The following SLC17A5 variants were observed in gnomAD, a reference collection of about 807,000 sequenced individuals.
SLC17A5 encodes the protein sialin.
SLC17A5 carries 47 observed loss-of-function variants against 59.4 expected under a neutral mutation model. That is an observed-to-expected ratio of 0.79 (90% CI 0.63 to 1.01). The LOEUF is 1.01. Ranked by LOEUF, SLC17A5 falls within the 50% of genes least tolerant of loss-of-function variation. The pLI is 0.00. For missense variants in SLC17A5, 522 were observed against 595.5 expected (o/e 0.88, Z 1.28); for synonymous variants, 202 against 210.7 (o/e 0.96, Z 0.36).
In SLC17A5 at chr6:73,635,384, GATTTCTTAATGATGA is replaced by G. The variant is rs386833994; in HGVS notation, c.802_816del (p.Ser268_Asn272del). The G allele has an allele frequency of 9.5e-5, 144 of 1,516,276 alleles. No homozygotes were observed. The highest frequency in any genetic ancestry group is 1.3e-4 in the Non-Finnish European group (138 of 1,093,784). 93.9% of individuals were successfully genotyped at this position (1,516,276 alleles called of 1,614,324 possible). The stretch of plus-strand genomic sequence containing the variant: ...TTAAAATGTGTCAAAGTCCATACCT[GATTTCTTAATGATGA>G]AAGAATGTATTCCTTTTCATAATGG... On this transcript the variant is annotated inframe_deletion, in exon 6 of 11. Coordinates refer to ENST00000355773, the MANE Select transcript of SLC17A5 (RefSeq NM_012434.5).
chr6:73,639,879 C>T (rs151131694), intron 3 of SLC17A5, among the ~76,000 whole-genome samples: 1 of 152,200 alleles, frequency 6.6e-6, no homozygotes, highest in African/African-American at 2.4e-5. Flanking sequence ...AACCCCGCCT[C>T]TACTAAATAT....
chr6:73,607,420 C>G (rs1354101450), intron 9 of SLC17A5, among the ~76,000 whole-genome samples: 2 of 152,056 alleles, frequency 1.3e-5, no homozygotes, highest in Middle Eastern at 3.2e-3. Context: ...GGTCCTACCA[C>G]CCCACCTGGC....
At chr6:73,597,995 A>G (rs1318921873) in intron 10 of SLC17A5, among the ~76,000 whole-genome samples, 1 of 152,230 alleles carries the variant, frequency 6.6e-6, no homozygotes, top group Admixed American at 6.5e-5. Flanking sequence ...TACTCATCTT[A>G]AATTCTGCTG....
At chr6:73,612,879 A>G (rs1767691989) in intron 8 of SLC17A5, among the ~76,000 whole-genome samples, 1 of 152,120 alleles carries the variant, frequency 6.6e-6, no homozygotes, top group Non-Finnish European at 1.5e-5. Flanking sequence ...TGGTAAAACC[A>G]TGTCTCTACA....
chr6:73,641,849 G>C lies in SLC17A5; in HGVS notation c.367C>G (p.Gln123Glu). The C allele has an allele frequency of 6.2e-7, 1 of 1,614,146 alleles. No homozygotes were observed. Among genetic ancestry groups the C allele is most frequent in the African/African-American group, 1.3e-5 (1 of 75,028 alleles). Residue 123 changes from glutamine to glutamate, a missense_variant, in exon 3 of 11, where the codon CAG becomes GAG. Gln to Glu is a conservative substitution (Grantham distance 29, BLOSUM62 2). Transcript: ENST00000355773. ...GSFFYGYIIT[Q>E]IPGGYVASKI... The stretch of plus-strand genomic sequence containing the variant: ...CTGGCAACATATCCTCCAGGAATCT[G>C]TGTGATGATGTAGCCATAAAAAAAG...
At chr6:73,601,881 G>T (rs1361545579) in intron 9 of SLC17A5, among the ~76,000 whole-genome samples, 4 of 151,274 alleles carry the variant, frequency 2.6e-5, no homozygotes, top group African/African-American at 9.7e-5. Context: ...CTGCCCGGCC[G>T]CCCCTACTGG....
chr6:73,646,831 T>C (rs141935604), intron 1 of SLC17A5, among the ~76,000 whole-genome samples: 195 of 152,130 alleles, frequency 1.3e-3, no homozygotes, highest in African/African-American at 4.5e-3. Context: ...TGGCAGCATA[T>C]CTGACTAATT....
intron 1 of SLC17A5, among the ~76,000 whole-genome samples, chr6:73,651,232 G>A (rs1042405031): frequency 7.2e-5 from 11 of 151,898 alleles, no homozygotes; most frequent in East Asian, 1.9e-4. Flanking sequence ...AGGCCAAGGC[G>A]GGTGGATCAC....
rs1300226598 is a variant in SLC17A5 at position 73,601,609 on chromosome 6, G to A, written c.1260-1168C>T. On this transcript the variant is annotated intron_variant, in intron 9 of 10. Coordinates refer to ENST00000355773, the MANE Select transcript of SLC17A5 (RefSeq NM_012434.5). ...TGGGAAGTGAGGAGCCCTGCTGCCC[G>A]GCCAGCCGCCCCGTCCGGGAGGGAG... Among the ~76,000 whole-genome samples, 45 of 98,654 alleles carry A rather than the reference G, an allele frequency of 4.6e-4. 1 individual carries two copies. Among genetic ancestry groups the A allele is most frequent in the Non-Finnish European group, 8.2e-4 (39 of 47,670 alleles). 64.7% of individuals were successfully genotyped at this position (98,654 alleles called of 152,430 possible).
At chr6:73,642,286 G>T (rs1019383130) in intron 2 of SLC17A5, among the ~76,000 whole-genome samples, 2 of 147,464 alleles carry the variant, frequency 1.4e-5, no homozygotes, top group East Asian at 4.1e-4. Flanking sequence ...CCGCCCCCCC[G>T]GCCCTGCCTC....
chr6:73,653,666 C>A (rs1769977465), intron 1 of SLC17A5, 127 bp downstream of exon 1: 8 of 1,064,852 alleles, frequency 7.5e-6, no homozygotes, highest in South Asian at 3.0e-5. Context: ...CTCTTAATGT[C>A]CCCTCGCGCC....
intron 6 of SLC17A5, among the ~76,000 whole-genome samples, chr6:73,634,145 G>A (rs564067763): frequency 1.3e-5 from 2 of 152,062 alleles, no homozygotes; most frequent in African/African-American, 2.4e-5. Context: ...CTTTGTGCTC[G>A]ATTAAGTGAT....
chr6:73,651,196 C>T (rs915498980), intron 1 of SLC17A5, among the ~76,000 whole-genome samples: 1 of 152,104 alleles, frequency 6.6e-6, no homozygotes, highest in Admixed American at 6.5e-5. Flanking sequence ...CCCGGTGGCT[C>T]AGGCCTGTAA....
At chr6:73,646,015 G>A (rs1185386019) in intron 1 of SLC17A5, among the ~76,000 whole-genome samples, 1 of 152,166 alleles carries the variant, frequency 6.6e-6, no homozygotes, top group South Asian at 2.1e-4. Flanking sequence ...AGCTAATCCA[G>A]AGTCTGAACA....
chr6:73,631,853 G>A (rs1200848816), intron 6 of SLC17A5, among the ~76,000 whole-genome samples: 1 of 150,820 alleles, frequency 6.6e-6, no homozygotes, highest in Non-Finnish European at 1.5e-5. Flanking sequence ...TAAGTCCTCA[G>A]CTGACAAAGA....
chr6:73,615,892 T>G (rs1011145357), intron 7 of SLC17A5, among the ~76,000 whole-genome samples: 2 of 145,354 alleles, frequency 1.4e-5, no homozygotes, highest in African/African-American at 2.5e-5. Flanking sequence ...TTTTTTTTTT[T>G]TTTTTTTTTT....
At chr6:73,616,806 C>T (rs995894992) in intron 7 of SLC17A5, among the ~76,000 whole-genome samples, 10 of 151,970 alleles carry the variant, frequency 6.6e-5, no homozygotes, top group African/African-American at 2.4e-4. Flanking sequence ...GGAGTTTCGC[C>T]ATGTTGGCCA....
intron 6 of SLC17A5, among the ~76,000 whole-genome samples, chr6:73,630,289 C>A (rs575238386): frequency 1.2e-4 from 18 of 152,286 alleles, no homozygotes; most frequent in Non-Finnish European, 2.4e-4. Flanking sequence ...CCGTACCCAG[C>A]CTATTTCTCT....
At chr6:73,619,369 C>T (rs968187237) in intron 7 of SLC17A5, among the ~76,000 whole-genome samples, 1 of 145,544 alleles carries the variant, frequency 6.9e-6, no homozygotes, top group African/African-American at 2.6e-5. Context: ...TGCCACGCTT[C>T]TCAAAGCAAG....
Sources: gnomAD v4.1 joint callset for allele counts (sites outside exome capture counted in the v4.1 genomes callset) on GRCh38, gnomAD v4.1.1 for gene constraint, MANE v1.5 for transcripts, NCBI Gene and HGNC (gene_info 2026-07-23, HGNC 2026-07-21) for gene names.